Variants in MMP26 observed in about 807,000 individuals in gnomAD.
The protein encoded by MMP26 is matrix metalloproteinase-26.
MMP26 carries 33 observed loss-of-function variants against 31.0 expected under a neutral mutation model. That is an observed-to-expected ratio of 1.06 (90% CI 0.81 to 1.42). MMP26 has a LOEUF of 1.42. MMP26 is among the 40% of genes most tolerant of loss of function. MMP26 has a pLI of 0.00. For missense variants in MMP26, 347 were observed against 316.1 expected, an observed-to-expected ratio of 1.10 and a Z score of -0.74; for synonymous variants, 122 against 114.9, an observed-to-expected ratio of 1.06 and a Z score of -0.40.
intron 2 of MMP26, among the ~76,000 whole-genome samples, chr11:4,887,070 T>C (rs1850555392): frequency 6.6e-6 from 1 of 152,040 alleles, no homozygotes; most frequent in South Asian, 2.1e-4. Context: ...TATATAATGT[T>C]CTGATATTTC....
intron 2 of MMP26, chr11:4,859,550 T>C (rs1158020659): frequency 2.7e-6 from 1 of 369,282 alleles, no homozygotes; most frequent in Non-Finnish European, 5.4e-6. Context: ...CTGTGGAAAA[T>C]TAAATAATTA....
intron 2 of MMP26, chr11:4,803,691 C>T (rs1286630268): frequency 6.2e-7 from 1 of 1,613,910 alleles, no homozygotes; most frequent in Non-Finnish European, 8.5e-7. Context: ...CTGAGGGCAA[C>T]TGAAGCACAG....
chr11:4,730,546 A>G (rs77540379), intron 1 of MMP26, among the ~76,000 whole-genome samples: 2,773 of 152,226 alleles, frequency 0.018, 50 homozygotes, highest in Admixed American at 0.056. Flanking sequence ...TTATGTGGCT[A>G]TTGATATTTT....
intron 2 of MMP26, chr11:4,945,200 A>G (rs1416288549): frequency 6.6e-6 from 1 of 152,156 alleles, no homozygotes; most frequent in East Asian, 1.9e-4. Context: ...TCATAATACA[A>G]ACTAGGGCTA....
At chr11:4,803,352 A>T in intron 2 of MMP26, 1 of 979,376 alleles carries the variant, frequency 1.0e-6, no homozygotes, top group Non-Finnish European at 1.5e-6. Context: ...TAGTGATAAT[A>T]AGTAATAGCC....
chr11:4,913,747 TCAGAATA>T (rs1268947819), intron 2 of MMP26: 2 of 152,138 alleles, frequency 1.3e-5, no homozygotes, highest in African/African-American at 4.8e-5. Flanking sequence ...CAGATAATTC[TCAGAATA>T]CACTGTCCTC....
rs149405690 is a variant in MMP26 at position 4,989,827 on chromosome 11, G to T, written c.279G>T (p.Ser93=). The change falls in exon 4 of 8, where the codon TCG becomes TCT. Residue 93 remains serine, a synonymous_variant. Transcript: ENST00000380390. The part of the protein sequence containing the change: ...GVPDGSDTSI[S]PGRCKWNKHT... Reference sequence around the variant, plus strand: ...CTGATGGGTCCGACACCTCCATCTCGCCAGGAAGATGCAAGTGGAATAAGC... The same window carrying T: ...CTGATGGGTCCGACACCTCCATCTCTCCAGGAAGATGCAAGTGGAATAAGC... 12 of 1,612,106 alleles carry T rather than the reference G, an allele frequency of 7.4e-6. No homozygotes were observed. The African/African-American group carries it at 8.0e-5, about 11-fold the overall frequency.
chr11:4,810,716 C>G (rs1053557329), intron 2 of MMP26, among the ~76,000 whole-genome samples: 3 of 152,190 alleles, frequency 2.0e-5, no homozygotes, highest in Non-Finnish European at 2.9e-5. Flanking sequence ...CAAAGAAGAC[C>G]ATGCCATAGT....
chr11:4,909,011 T>G (rs1180790730), intron 2 of MMP26: 1 of 152,250 alleles, frequency 6.6e-6, no homozygotes, highest in African/African-American at 2.4e-5. Context: ...TGTTGTTATT[T>G]TTCTGTTATA....
intron 1 of MMP26, chr11:4,710,766 T>C (rs4465362): frequency 0.82 from 170,893 of 207,814 alleles, 70,805 homozygotes; most frequent in African/African-American, 0.9. Flanking sequence ...AAAATATGTC[T>C]GAAAGCATGC....
intron 2 of MMP26, among the ~76,000 whole-genome samples, chr11:4,911,459 G>A (rs1850990369): frequency 6.6e-6 from 1 of 152,246 alleles, no homozygotes; most frequent in African/African-American, 2.4e-5. Flanking sequence ...ATCAGTGAGT[G>A]TTGAATACTG....
intron 2 of MMP26, among the ~76,000 whole-genome samples, chr11:4,864,091 T>C (rs1014560876): frequency 7.2e-5 from 11 of 152,130 alleles, no homozygotes; most frequent in Non-Finnish European, 1.2e-4. Context: ...CAATTTGACA[T>C]GAAACAGAGC....
At chr11:4,766,715 C>T (rs7127236) in intron 1 of MMP26, among the ~76,000 whole-genome samples, 17 of 113,944 alleles carry the variant, frequency 1.5e-4, no homozygotes, top group African/African-American at 3.1e-4. Flanking sequence ...CTCCCTCCCT[C>T]CCTTCCTTCC....
chr11:4,954,176 A>G lies in MMP26; in HGVS notation c.-144-33892A>G, dbSNP rs1846402726. ...TCTTGCCTTGCATAGCGAATCTTTT[A>G]TAAGGCAGGGAACTTAGCAATATTT... On this transcript the variant is annotated intron_variant, in intron 2 of 7. Coordinates refer to ENST00000380390, the MANE Select transcript of MMP26 (RefSeq NM_021801.5). 1.7e-5 allele frequency among the ~76,000 whole-genome samples: 2 copies of G among 120,342 alleles called. 1 individual carries two copies. The highest frequency in any genetic ancestry group is 3.7e-5 in the Non-Finnish European group (2 of 53,730). The allele number at this position is 120,342 out of a possible 152,430, so 78.9% of individuals were successfully genotyped here. A position where few individuals can be genotyped will look rare whatever the true frequency, so the allele number is the denominator to read the frequency against.
At chr11:4,822,253 A>T in intron 2 of MMP26, 4 of 1,570,950 alleles carry the variant, frequency 2.5e-6, no homozygotes, top group Non-Finnish European at 3.5e-6. Flanking sequence ...CCACATCATC[A>T]TGGCCAATGT....
At chr11:4,919,490 C>A (rs1851149961) in intron 2 of MMP26, 1 of 152,100 alleles carries the variant, frequency 6.6e-6, no homozygotes, top group African/African-American at 2.4e-5. Flanking sequence ...ACCTCAGACC[C>A]TGGAGATAAG....
At chr11:4,823,335 C>G (rs1849536669) in intron 2 of MMP26, among the ~76,000 whole-genome samples, 1 of 152,120 alleles carries the variant, frequency 6.6e-6, no homozygotes, top group African/African-American at 2.4e-5. Context: ...ACAAATTATC[C>G]AAGCCTTTTA....
At chr11:4,817,322 G>A (rs1197910091) in intron 2 of MMP26, among the ~76,000 whole-genome samples, 2 of 152,132 alleles carry the variant, frequency 1.3e-5, no homozygotes, top group Non-Finnish European at 2.9e-5. Context: ...GGTGATTTAT[G>A]CCTGTAATCC....
In MMP26 at chr11:4,989,706, C is replaced by A; in HGVS notation, c.158C>A (p.Thr53Lys). The change falls in exon 4 of 8, where the codon ACA (threonine) becomes AAA (lysine). Residue 53 changes from threonine (T) to lysine (K), a missense_variant. Physicochemically the swap from Thr to Lys is moderately conservative, Grantham distance 78. Coordinates refer to ENST00000380390, the MANE Select transcript of MMP26 (RefSeq NM_021801.5). ...KKESPLLTQE[T>K]QTQLLQQFHR... ...GAGTCGCCACTCCTTACCCAGGAGACACAAACACAGCTCCTGCAACAATTC... is the reference window on the plus strand; with the variant it reads ...GAGTCGCCACTCCTTACCCAGGAGAAACAAACACAGCTCCTGCAACAATTC... 2 of 1,613,852 alleles carry A rather than the reference C, an allele frequency of 1.2e-6. No homozygotes were observed. Among genetic ancestry groups the A allele is most frequent in the Non-Finnish European group, 1.7e-6 (2 of 1,180,008 alleles).
Sources: allele counts gnomAD v4.1 joint callset (sites outside exome capture counted in the v4.1 genomes callset), GRCh38; gene constraint gnomAD v4.1.1; transcripts MANE v1.5; gene names NCBI Gene and HGNC (gene_info 2026-07-23, HGNC 2026-07-21).